GPR39: variants seen among roughly 807,000 people sequenced by gnomAD.
GPR39 encodes G protein-coupled receptor 39, also known as zinc sensing receptor.
In GPR39, 23 loss-of-function variants were observed where a neutral mutation model predicts 18.4. The observed-to-expected ratio is 1.25, with a 90% CI of 0.90 to 1.77. The LOEUF (loss-of-function observed/expected upper bound fraction) is 1.77, where lower values mean the gene tolerates loss of function less well. GPR39 is among the 40% of genes most tolerant of loss of function. GPR39 has a pLI of 0.00. For missense variants in GPR39, 647 were observed against 602.4 expected, an observed-to-expected ratio of 1.07 and a Z score of -0.78; for synonymous variants, 280 against 257.9, an observed-to-expected ratio of 1.09 and a Z score of -0.82.
At chr2:132,544,658 C>T (rs1259067753) in intron 1 of GPR39, among the ~76,000 whole-genome samples, 1 of 152,226 alleles carries the variant, frequency 6.6e-6, no homozygotes, top group Admixed American at 6.5e-5. Context: ...ACTCATCCTG[C>T]AGTTGGGCTG....
chr2:132,564,324 A>C (rs770389599), intron 1 of GPR39, among the ~76,000 whole-genome samples: 2 of 152,200 alleles, frequency 1.3e-5, no homozygotes, highest in Non-Finnish European at 2.9e-5. Flanking sequence ...GCCTTGGATG[A>C]GTGGCCACCC....
At chr2:132,418,704 G>T (rs1430182116) in intron 1 of GPR39, among the ~76,000 whole-genome samples, 1 of 152,222 alleles carries the variant, frequency 6.6e-6, no homozygotes, top group Non-Finnish European at 1.5e-5. Flanking sequence ...CCACAGGTCT[G>T]TTGACCCCAG....
intron 1 of GPR39, among the ~76,000 whole-genome samples, chr2:132,485,631 T>A (rs1028374769): frequency 2.0e-5 from 3 of 152,244 alleles, no homozygotes; most frequent in African/African-American, 7.2e-5. Context: ...AGTAAACCAC[T>A]TTCTTTGCTT....
chr2:132,571,565 G>A (rs886837739), intron 1 of GPR39, among the ~76,000 whole-genome samples: 16 of 152,096 alleles, frequency 1.1e-4, no homozygotes, highest in Admixed American at 3.3e-4. Flanking sequence ...ACAGTTGGGC[G>A]TCTTAATTGA....
intron 1 of GPR39, among the ~76,000 whole-genome samples, chr2:132,430,804 G>A (rs776328854): frequency 1.3e-5 from 2 of 152,226 alleles, no homozygotes; most frequent in African/African-American, 2.4e-5. Context: ...GAGCCAGGGA[G>A]CAGAAACAAC....
intron 1 of GPR39, among the ~76,000 whole-genome samples, chr2:132,494,649 G>T (rs1181093475): frequency 6.6e-6 from 1 of 152,114 alleles, no homozygotes. Flanking sequence ...TCACAGAAAT[G>T]GAGTCAAATT....
intron 1 of GPR39, among the ~76,000 whole-genome samples, chr2:132,445,455 C>T (rs1680517810): frequency 6.6e-6 from 1 of 152,100 alleles, no homozygotes; most frequent in Non-Finnish European, 1.5e-5. Context: ...ATTTGTTAAT[C>T]AAAAGTTTAA....
intron 1 of GPR39, among the ~76,000 whole-genome samples, chr2:132,493,600 C>A (rs534772616): frequency 6.7e-6 from 1 of 150,092 alleles, no homozygotes; most frequent in South Asian, 2.1e-4. Context: ...AGGAGAAGTT[C>A]ATGATGAGTC....
intron 1 of GPR39, among the ~76,000 whole-genome samples, chr2:132,638,327 G>T (rs1454429764): frequency 6.6e-6 from 1 of 152,208 alleles, no homozygotes. Flanking sequence ...GTCCCTACAA[G>T]TGCCCACTGA....
intron 1 of GPR39, among the ~76,000 whole-genome samples, chr2:132,619,304 T>G: frequency 6.6e-6 from 1 of 152,136 alleles, no homozygotes; most frequent in East Asian, 1.9e-4. Flanking sequence ...AGAAATCCAG[T>G]GAAAGATCCG....
chr2:132,541,740 C>T (rs1238026349), intron 1 of GPR39, among the ~76,000 whole-genome samples: 1 of 152,154 alleles, frequency 6.6e-6, no homozygotes, highest in African/African-American at 2.4e-5. Flanking sequence ...TTGGACAAGC[C>T]TTATGCATCC....
At chr2:132,480,362 C>T (rs973271116) in intron 1 of GPR39, among the ~76,000 whole-genome samples, 28 of 152,064 alleles carry the variant, frequency 1.8e-4, no homozygotes, top group Non-Finnish European at 8.8e-5. Context: ...GTACATAACA[C>T]TACTGAATTG....
Position 132,416,945 on chromosome 2 carries a change from C to G in GPR39, c.-98C>G. On this transcript the variant is annotated 5_prime_UTR_variant, in exon 1 of 2. Coordinates refer to ENST00000329321, the MANE Select transcript of GPR39 (RefSeq NM_001508.3). The stretch of plus-strand genomic sequence containing the variant: ...CTCGAGTGAGATAAAATCGTGCGCC[C>G]ACGCAGGTGAGTTTGCAGCCAAGAA... The G allele has an allele frequency of 1.4e-6, 2 of 1,420,254 alleles. No individual in the cohort carries two copies. 88.0% of individuals were successfully genotyped at this position (1,420,254 alleles called of 1,614,324 possible).
rs540239358 is a variant in GPR39, at chr2:132,465,022, A to G, written c.856+47124A>G. On this transcript the variant is annotated intron_variant, in intron 1 of 1. Transcript: ENST00000329321. ...CTGGTGGCTGTAAGCCAATGTTTCA[A>G]AATGATGATTTGACTTGCTTATTCA... Among the ~76,000 whole-genome samples the G allele has an allele frequency of 1.6e-4, 24 of 152,332 alleles. No homozygotes were observed. In the South Asian group the frequency reaches 4.8e-3, roughly 30 times the overall value.
At chr2:132,506,250 T>A (rs1679134449) in intron 1 of GPR39, among the ~76,000 whole-genome samples, 1 of 152,182 alleles carries the variant, frequency 6.6e-6, no homozygotes. Flanking sequence ...AATGGGGTTG[T>A]TTGTTCCTTT....
At chr2:132,492,387 A>G (rs910284506) in intron 1 of GPR39, among the ~76,000 whole-genome samples, 1 of 144,302 alleles carries the variant, frequency 6.9e-6, no homozygotes, top group African/African-American at 2.5e-5. Context: ...CATACCATAT[A>G]TATACACCAT....
chr2:132,503,196 G>C (rs952136938), intron 1 of GPR39, among the ~76,000 whole-genome samples: 3 of 152,118 alleles, frequency 2.0e-5, no homozygotes, highest in African/African-American at 7.2e-5. Flanking sequence ...TTTTTGGGTA[G>C]CCTATATCAG....
At chr2:132,614,758 G>A (rs2104853722) in intron 1 of GPR39, among the ~76,000 whole-genome samples, 1 of 151,830 alleles carries the variant, frequency 6.6e-6, no homozygotes, top group East Asian at 1.9e-4. Flanking sequence ...TACCATGTAG[G>A]CCAGGCTGGT....
At chr2:132,638,736 C>T (rs1681810179) in intron 1 of GPR39, among the ~76,000 whole-genome samples, 1 of 152,214 alleles carries the variant, frequency 6.6e-6, no homozygotes, top group African/African-American at 2.4e-5. Context: ...CTTTCTGGCT[C>T]TTCATTCAAC....
Sources: gnomAD v4.1 joint callset for allele counts (sites outside exome capture counted in the v4.1 genomes callset) on GRCh38, gnomAD v4.1.1 for gene constraint, MANE v1.5 for transcripts, NCBI Gene and HGNC (gene_info 2026-07-23, HGNC 2026-07-21) for gene names.